SLC37A1: variants seen among roughly 807,000 people sequenced by gnomAD.
The protein encoded by SLC37A1 is solute carrier family 37 member 1.
Under a neutral mutation model 75.3 loss-of-function variants are expected in SLC37A1, and 49 were observed. The observed-to-expected ratio is 0.65, with a 90% CI of 0.52 to 0.83. The LOEUF (loss-of-function observed/expected upper bound fraction) is 0.83, where lower values mean the gene tolerates loss of function less well. SLC37A1 is among the 40% of genes least tolerant of loss of function. The pLI is 0.00. For missense variants in SLC37A1, 566 were observed against 695.0 expected (o/e 0.81, Z 2.09); for synonymous variants, 268 against 292.1 (o/e 0.92, Z 0.84).
rs1239896582 is a variant in SLC37A1 at position 42,548,532 on chromosome 21, G to A, written c.768+1392G>A. On this transcript the variant is annotated intron_variant, in intron 9 of 19. Coordinates refer to ENST00000352133, the MANE Select transcript of SLC37A1 (RefSeq NM_001320537.2). The surrounding 1 kb of genome is among the most constrained non-coding windows in gnomAD (Gnocchi z 5.6). The stretch of plus-strand genomic sequence containing the variant: ...TCTGCTCTGTTCTGTGAGGGGATGT[G>A]GAATGGAAACCCTCTCACCTCCTCC... 1.3e-5 allele frequency among the ~76,000 whole-genome samples: 2 copies of A among 151,996 alleles called. No individual in the cohort carries two copies. Among genetic ancestry groups the A allele is most frequent in the African/African-American group, 4.8e-5 (2 of 41,356 alleles).
chr21:42,503,848 C>T (rs1248801949), intron 2 of SLC37A1, among the ~76,000 whole-genome samples: 2 of 152,130 alleles, frequency 1.3e-5, no homozygotes, highest in Non-Finnish European at 2.9e-5. Context: ...AGGTTTTAAA[C>T]TGGACTGGTA....
upstream of SLC37A1, chr21:42,509,713 C>CA (rs1301535747): frequency 4.6e-5 from 7 of 152,190 alleles, no homozygotes; most frequent in African/African-American, 1.7e-4. The surrounding 1 kb of genome is among the most constrained non-coding windows in gnomAD (Gnocchi z 4.2). Flanking sequence ...GAATATAAAT[C>CA]ACCCTTCCTC....
At chr21:42,525,650 T>C (rs2054770756) in intron 2 of SLC37A1, 126 bp from the exon 3 acceptor site, 2 of 661,936 alleles carry the variant, frequency 3.0e-6, no homozygotes, top group African/African-American at 1.8e-5. Flanking sequence ...ATAAGTAATA[T>C]TGATAATGGC....
intron 2 of SLC37A1, among the ~76,000 whole-genome samples, chr21:42,520,699 C>T (rs2054628477): frequency 6.6e-6 from 1 of 151,936 alleles, no homozygotes; most frequent in Non-Finnish European, 1.5e-5. Flanking sequence ...GTCCTGGGAA[C>T]AGTAAGAGCA....
intron 19 of SLC37A1, among the ~76,000 whole-genome samples, 181 bp from the exon 20 acceptor site, chr21:42,580,164 G>C (rs1033992876): frequency 1.3e-5 from 2 of 151,924 alleles, no homozygotes; most frequent in Non-Finnish European, 2.9e-5. Flanking sequence ...GCCCCCAGAA[G>C]GCTGCGGGAA....
rs539975199 is a variant in SLC37A1 at position 42,538,417 on chromosome 21, ATC to A, written c.351-1089_351-1088del. ...TTTACTTGGTGAATTCGGAAGGAAA[ATC>A]TCTCTGGCGTAGGTTTTTGAGATGA... is the stretch of plus-strand genomic sequence containing the variant. On this transcript the variant is annotated intron_variant, in intron 5 of 19. Transcript: ENST00000352133. Among the ~76,000 whole-genome samples, 273 of 152,220 alleles carry A rather than the reference ATC, an allele frequency of 1.8e-3. 1 individual carries two copies. Among genetic ancestry groups the A allele is most frequent in the African/African-American group, 6.0e-3 (248 of 41,516 alleles).
intron 7 of SLC37A1, among the ~76,000 whole-genome samples, 193 bp downstream of exon 7, chr21:42,542,673 A>T (rs1381364604): frequency 6.6e-6 from 1 of 152,252 alleles, no homozygotes; most frequent in African/African-American, 2.4e-5. Context: ...CCGCCCTCCC[A>T]CTGTGGGCCT....
Position 42,518,295 on chromosome 21 carries a change from G to A in SLC37A1, c.-160G>A. On this transcript the variant is annotated 5_prime_UTR_variant, in exon 2 of 20. Coordinates refer to ENST00000352133, the MANE Select transcript of SLC37A1 (RefSeq NM_001320537.2). ...CTTGTAGAGAGCAGAGCCACTGCCA[G>A]AAGGAAGGGGACAAGACCCAGCAGG... The A allele has an allele frequency of 1.3e-6, 1 of 795,274 alleles. No individual in the cohort carries two copies. Among genetic ancestry groups the A allele is most frequent in the Non-Finnish European group, 2.1e-6 (1 of 480,858 alleles). The allele number at this position is 795,274 out of a possible 1,614,324, so 49.3% of individuals were successfully genotyped here. A position where few individuals can be genotyped will look rare whatever the true frequency, so the allele number is the denominator to read the frequency against.
chr21:42,552,067 GT>G lies in SLC37A1; in HGVS notation c.769-1994del, dbSNP rs2055572890. Among the ~76,000 whole-genome samples, 1 of 152,152 alleles carries G rather than the reference GT, an allele frequency of 6.6e-6. No individual in the cohort carries two copies. Among genetic ancestry groups the G allele is most frequent in the East Asian group, 1.9e-4 (1 of 5,194 alleles). On this transcript the variant is annotated intron_variant, in intron 9 of 19. Transcript: ENST00000352133. The surrounding 1 kb of genome is among the most constrained non-coding windows in gnomAD (Gnocchi z 4.2). Reference sequence around the variant, plus strand: ...TGAATCACAATTAATATGAAAGAGAGTATTCAATTCTTTACCATTTGCCTTG... The same window carrying G: ...TGAATCACAATTAATATGAAAGAGAGATTCAATTCTTTACCATTTGCCTTG...
At position 42,514,310 on chromosome 21, in the gene SLC37A1, G is replaced by A. The variant is rs1164480548; in HGVS notation, c.-586G>A. On this transcript the variant is annotated 5_prime_UTR_variant, in exon 1 of 20. Coordinates refer to ENST00000352133, the MANE Select transcript of SLC37A1 (RefSeq NM_001320537.2). This position sits in a 1 kb window ranked among gnomAD's most constrained non-coding sequence, Gnocchi z 4.8. ...GCACGGGGCCGGCAGCCGCTCCACG[G>A]AGTCCCCGGCAGGGGCGAGCTTAGC... is the stretch of plus-strand genomic sequence containing the variant. 2.0e-5 allele frequency: 3 copies of A among 152,172 alleles called. No homozygotes were observed. The highest frequency in any genetic ancestry group is 4.4e-5 in the Non-Finnish European group (3 of 68,042). The allele number at this position is 152,172 out of a possible 1,614,324, so 9.4% of individuals were successfully genotyped here.
intron 10 of SLC37A1, among the ~76,000 whole-genome samples, chr21:42,558,757 G>A (rs2055751818): frequency 6.6e-6 from 1 of 152,108 alleles, no homozygotes; most frequent in Non-Finnish European, 1.5e-5. Context: ...GAGGATCTGT[G>A]TACCTAGCCG....
chr21:42,563,373 C>G (rs1017304933), intron 12 of SLC37A1, among the ~76,000 whole-genome samples: 2 of 152,228 alleles, frequency 1.3e-5, no homozygotes, highest in Non-Finnish European at 2.9e-5. Flanking sequence ...CCACACCCGG[C>G]TGGCTCAGTC....
At chr21:42,579,861 C>A (rs1447830906) in intron 19 of SLC37A1, 61 bp downstream of exon 19, 1 of 1,543,814 alleles carries the variant, frequency 6.5e-7, no homozygotes, top group South Asian at 1.1e-5. Context: ...GCCTTCTGTC[C>A]TATCTGCCTT....
chr21:42,579,155 C>G lies in SLC37A1; in HGVS notation c.1522-581C>G, dbSNP rs559954633. Among the ~76,000 whole-genome samples the G allele has an allele frequency of 6.6e-5, 10 of 152,324 alleles. No individual in the cohort carries two copies. The South Asian group carries it at 2.1e-3, about 32-fold the overall frequency. ...CACGGAGTTAAAGCTCTGGGTCCGG[C>G]GAGGAGCCAAGGCTGAGGCAGTGAT... is the stretch of plus-strand genomic sequence containing the variant. On this transcript the variant is annotated intron_variant, in intron 18 of 19. Transcript: ENST00000352133.
In SLC37A1 at chr21:42,580,773, A is replaced by G; in HGVS notation, c.*413A>G. On this transcript the variant is annotated 3_prime_UTR_variant, in exon 20 of 20. Transcript: ENST00000352133. ...AGTACTGCGCTGGCTGTGGCTTCAG[A>G]GAACCTGTATGTGCCACATGGAAAA... The G allele has an allele frequency of 4.5e-6, 1 of 224,180 alleles. No individual in the cohort carries two copies. The highest frequency in any genetic ancestry group is 8.9e-6 in the Non-Finnish European group (1 of 112,084). 13.9% of individuals were successfully genotyped at this position (224,180 alleles called of 1,614,324 possible). A position where few individuals can be genotyped will look rare whatever the true frequency, so the allele number is the denominator to read the frequency against.
In SLC37A1 at chr21:42,517,162, C is replaced by CCA. The variant is rs532157383; in HGVS notation, c.-178-1113_-178-1112dup. The stretch of plus-strand genomic sequence containing the variant: ...TGTTGCGCATTTACTACGTACCAGG[C>CCA]CACTTATCAAGTGCTTCCCATAGGT... On this transcript the variant is annotated intron_variant, in intron 1 of 19. Coordinates refer to ENST00000352133, the MANE Select transcript of SLC37A1 (RefSeq NM_001320537.2). Among the ~76,000 whole-genome samples the CCA allele has an allele frequency of 7.6e-4, 115 of 152,312 alleles. 1 individual carries two copies. The highest frequency in any genetic ancestry group is 2.5e-3 in the African/African-American group (104 of 41,562).
chr21:42,526,991 C>G (rs775277637), intron 3 of SLC37A1, among the ~76,000 whole-genome samples: 4 of 152,082 alleles, frequency 2.6e-5, no homozygotes, highest in African/African-American at 7.2e-5. Flanking sequence ...ACAAACAGCT[C>G]AAGAAAATGG....
At chr21:42,502,890 G>A (rs894491303) in intron 2 of SLC37A1, 1 of 152,072 alleles carries the variant, frequency 6.6e-6, no homozygotes, top group Non-Finnish European at 1.5e-5. Flanking sequence ...ATATTACTGA[G>A]TACTTTTAGA....
chr21:42,513,726 G>A (rs1469136654), upstream of SLC37A1, among the ~76,000 whole-genome samples: 2 of 147,852 alleles, frequency 1.4e-5, no homozygotes, highest in African/African-American at 2.4e-5. Context: ...CCCTGGGCAC[G>A]CCGGGGCCGG....
Sources: allele counts gnomAD v4.1 joint callset (sites outside exome capture counted in the v4.1 genomes callset), GRCh38; gene constraint gnomAD v4.1.1; non-coding constraint Gnocchi (gnomAD v3.1); transcripts MANE v1.5; gene names NCBI Gene and HGNC (gene_info 2026-07-23, HGNC 2026-07-21).